ZNF267: variants seen among roughly 807,000 people sequenced by gnomAD.
ZNF267 encodes zinc finger (C2H2).
A neutral mutation model predicts 71.6 loss-of-function variants in ZNF267; 61 were observed. The ratio of observed to expected loss-of-function variants is 0.85; its 90% CI spans 0.69 to 1.05. The LOEUF is 1.05. Ranked by LOEUF, ZNF267 falls within the 50% of genes least tolerant of loss-of-function variation. ZNF267 has a pLI of 0.00. For synonymous variants in ZNF267, 288 were observed against 293.2 expected (o/e 0.98, Z 0.18); for missense variants, 852 against 870.0 (o/e 0.98, Z 0.26).
intron 3 of ZNF267, among the ~76,000 whole-genome samples, chr16:31,900,690 C>T (rs375994245): frequency 1.3e-5 from 2 of 150,956 alleles, no homozygotes; most frequent in African/African-American, 2.4e-5. Flanking sequence ...GTGATCCACC[C>T]GTCTTGGCCT....
chr16:31,899,070 C>G (rs1017491359), intron 3 of ZNF267, among the ~76,000 whole-genome samples: 3 of 152,128 alleles, frequency 2.0e-5, no homozygotes, highest in African/African-American at 7.2e-5. Context: ...GACTTAGACT[C>G]ACACACAATA....
chr16:31,909,322 G>A lies in ZNF267; in HGVS notation c.227-5154G>A, dbSNP rs536948654. On this transcript the variant is annotated intron_variant, in intron 3 of 3. Transcript: ENST00000300870. ...AATTTTTTGTATTTTTAGTAGAGAC[G>A]GAGTTTCACCATGTTGACTATGCTG... Among the ~76,000 whole-genome samples the A allele has an allele frequency of 2.4e-4, 37 of 151,464 alleles. No individual in the cohort carries two copies. The South Asian group carries it at 6.7e-3, about 27-fold the overall frequency.
chr16:31,874,244 G>T, intron 1 of ZNF267: 1 of 441,840 alleles, frequency 2.3e-6, no homozygotes, highest in Non-Finnish European at 4.1e-6. Flanking sequence ...TCGCAGCCCC[G>T]CGTCTCCCCC....
intron 3 of ZNF267, among the ~76,000 whole-genome samples, chr16:31,909,120 CTTTTTTTTTTTTTTTT>C (rs34409182): frequency 2.2e-5 from 1 of 45,322 alleles, no homozygotes; most frequent in Non-Finnish European, 3.8e-5. Flanking sequence ...CTTTTCTTTT[CTTTTTTTTTTTTTTTT>C]TTTTTTTTTT....
At chr16:31,902,162 T>C (rs2084046804) in intron 3 of ZNF267, among the ~76,000 whole-genome samples, 1 of 152,194 alleles carries the variant, frequency 6.6e-6, no homozygotes, top group African/African-American at 2.4e-5. Context: ...TATCTCTGTT[T>C]TTGTACCAGT....
chr16:31,875,162 A>T, intron 1 of ZNF267: 1 of 1,289,198 alleles, frequency 7.8e-7, no homozygotes, highest in South Asian at 1.2e-5. Flanking sequence ...GGCCCTGTAT[A>T]GCCACCCTCT....
chr16:31,914,748 A>C lies in ZNF267; in HGVS notation c.499A>C (p.Lys167Gln). The change falls in exon 4 of 4, where the codon AAG becomes CAG. Residue 167 changes from lysine to glutamine, a missense_variant. Physicochemically the swap from Lys to Gln is moderately conservative, Grantham distance 53 (BLOSUM62 1). Coordinates refer to ENST00000300870, the MANE Select transcript of ZNF267 (RefSeq NM_003414.6). ...AAGCTATAACTTTGATCAATATAGG[A>C]AGGTCTTTACTCATTCATCATTGCT... The part of the protein sequence containing the change: ...AKSYNFDQYR[K>Q]VFTHSSLLNQ... 6.2e-7 allele frequency: 1 copy of C among 1,614,108 alleles called. No homozygotes were observed. Among genetic ancestry groups the C allele is most frequent in the Non-Finnish European group, 8.5e-7 (1 of 1,180,016 alleles).
intron 3 of ZNF267, chr16:31,894,990 C>T (rs550708441): frequency 4.3e-5 from 14 of 326,006 alleles, no homozygotes; most frequent in African/African-American, 6.8e-5. Flanking sequence ...ATCAATTGTT[C>T]AAAATATGAA....
chr16:31,882,772 G>A (rs539514100), intron 1 of ZNF267, among the ~76,000 whole-genome samples: 2 of 152,256 alleles, frequency 1.3e-5, no homozygotes, highest in South Asian at 4.1e-4. Flanking sequence ...ATTAGCACTG[G>A]TACCAATTTG....
chr16:31,906,576 C>T (rs1019113745), intron 3 of ZNF267, among the ~76,000 whole-genome samples: 1 of 152,168 alleles, frequency 6.6e-6, no homozygotes, highest in East Asian at 1.9e-4. Context: ...AACCTCCGAG[C>T]CAGGTGCGGG....
chr16:31,915,796 G>C lies in ZNF267; in HGVS notation c.1547G>C (p.Gly516Ala). The change falls in exon 4 of 4, where the codon GGA becomes GCA. Residue 516 changes from glycine (G) to alanine (A), a missense_variant. Coordinates refer to ENST00000300870, the MANE Select transcript of ZNF267 (RefSeq NM_003414.6). The stretch of plus-strand genomic sequence containing the variant: ...ACTCAACATCGGAAAATTCATACTG[G>C]AGAAAATCTTTACAAATGCAAAGTA... ...CLTQHRKIHTGENLYKCKVCA... is the reference protein window; with the variant it reads ...CLTQHRKIHTAENLYKCKVCA... 6.2e-7 allele frequency: 1 copy of C among 1,613,236 alleles called. No homozygotes were observed. The highest frequency in any genetic ancestry group is 8.5e-7 in the Non-Finnish European group (1 of 1,179,984).
At chr16:31,878,421 C>T (rs910756633) in intron 1 of ZNF267, among the ~76,000 whole-genome samples, 2 of 152,112 alleles carry the variant, frequency 1.3e-5, no homozygotes, top group African/African-American at 4.8e-5. Context: ...GACATGTCCC[C>T]GTCCATCCCA....
At chr16:31,903,696 T>C (rs938216723) in intron 3 of ZNF267, among the ~76,000 whole-genome samples, 37 of 152,286 alleles carry the variant, frequency 2.4e-4, no homozygotes, top group Non-Finnish European at 4.1e-4. Flanking sequence ...TTATTAGTCT[T>C]GCTATGGGTC....
In ZNF267 at chr16:31,916,384, G is replaced by A; in HGVS notation, c.2135G>A (p.Gly712Glu). 6.2e-7 allele frequency: 1 copy of A among 1,614,144 alleles called. No individual in the cohort carries two copies. The highest frequency in any genetic ancestry group is 8.5e-7 in the Non-Finnish European group (1 of 1,179,996). Residue 712 changes from glycine to glutamate, a missense_variant, in exon 4 of 4, where the codon GGA (glycine) becomes GAA (glutamate). Coordinates refer to ENST00000300870, the MANE Select transcript of ZNF267 (RefSeq NM_003414.6). ...ACTACACATCGGAGAAGTCATAGTGGAGAGAGACCCTACAAATGTGAAGAA... is the reference window on the plus strand; with the variant it reads ...ACTACACATCGGAGAAGTCATAGTGAAGAGAGACCCTACAAATGTGAAGAA... The part of the protein sequence containing the change: ...YLTTHRRSHS[G>E]ERPYKCEECG...
At chr16:31,900,145 T>C (rs1448970289) in intron 3 of ZNF267, among the ~76,000 whole-genome samples, 2 of 151,912 alleles carry the variant, frequency 1.3e-5, no homozygotes, top group Admixed American at 6.6e-5. Context: ...TAATACAGAA[T>C]TGTATCAGGT....
chr16:31,914,486 G>T lies in ZNF267; in HGVS notation c.237G>T (p.Ser79=), dbSNP rs376637778. 6 of 1,571,418 alleles carry T rather than the reference G, an allele frequency of 3.8e-6. No homozygotes were observed. Among genetic ancestry groups the T allele is most frequent in the Admixed American group, 2.0e-5 (1 of 49,912 alleles). The change falls in exon 4 of 4, where the codon TCG becomes TCT. Residue 79 remains serine (S), a synonymous_variant. Coordinates refer to ENST00000300870, the MANE Select transcript of ZNF267 (RefSeq NM_003414.6). ...TTTTATATCTTTCAGATGTGTTTTCGCATTATAACAAGGACCTGTTGACAG... is the reference window on the plus strand; with the variant it reads ...TTTTATATCTTTCAGATGTGTTTTCTCATTATAACAAGGACCTGTTGACAG... ...ETVAIQPDVF[S]HYNKDLLTEH... is the part of the protein sequence containing the mutation.
At chr16:31,909,563 CTTTT>C (rs766840747) in intron 3 of ZNF267, among the ~76,000 whole-genome samples, 43 of 152,124 alleles carry the variant, frequency 2.8e-4, no homozygotes, top group Non-Finnish European at 5.7e-4. Context: ...TTTCTAATCT[CTTTT>C]TTCAGATTCT....
intron 3 of ZNF267, chr16:31,914,121 G>A (rs2084154636): frequency 5.1e-6 from 1 of 194,678 alleles, no homozygotes; most frequent in Non-Finnish European, 1.0e-5. Context: ...GTCAGAAGGT[G>A]ATGAATCCTG....
At chr16:31,874,386 A>G (rs944157753) in intron 1 of ZNF267, 4 of 170,366 alleles carry the variant, frequency 2.3e-5, no homozygotes, top group African/African-American at 9.5e-5. Context: ...AAAACGTTGA[A>G]GAATTTGAGC....
Sources: gnomAD v4.1 joint callset for allele counts (sites outside exome capture counted in the v4.1 genomes callset) on GRCh38, gnomAD v4.1.1 for gene constraint, MANE v1.5 for transcripts, NCBI Gene and HGNC (gene_info 2026-07-23, HGNC 2026-07-21) for gene names.